KCNT2: variants seen among roughly 807,000 people sequenced by gnomAD.
The protein encoded by KCNT2 is potassium sodium-activated channel subfamily T member 2.
Under a neutral mutation model 153.8 loss-of-function variants are expected in KCNT2, and 67 were observed. That is an observed-to-expected ratio of 0.44 (90% CI 0.36 to 0.53). The LOEUF (loss-of-function observed/expected upper bound fraction) is 0.53. Among genes scored for constraint, KCNT2 ranks in the 20% least tolerant of loss-of-function variants. KCNT2 has a pLI of 0.00. For synonymous variants in KCNT2, 500 were observed against 458.8 expected (o/e 1.09, Z -1.15); for missense variants, 975 against 1,354.8 (o/e 0.72, Z 4.40).
At chr1:196,332,020 A>C (rs1664515811) in intron 17 of KCNT2, among the ~76,000 whole-genome samples, 1 of 152,198 alleles carries the variant, frequency 6.6e-6, no homozygotes, top group Non-Finnish European at 1.5e-5. Flanking sequence ...TTAGGCAATA[A>C]AATAAAATTT....
At position 196,409,925 on chromosome 1, in the gene KCNT2, G is replaced by A. The variant is rs538287401; in HGVS notation, c.1186-11254C>T. Among the ~76,000 whole-genome samples the A allele has an allele frequency of 4.0e-5, 6 of 151,722 alleles. No homozygotes were observed. In the South Asian group the frequency reaches 1.2e-3, roughly 32 times the overall value. ...TTATATATCCACAACCAGTGCACAA[G>A]GTTTTGAATTTCTCCACATCACCAT... On this transcript the variant is annotated intron_variant, in intron 12 of 27. Transcript: ENST00000294725.
chr1:196,604,374 A>G (rs1453140447), intron 1 of KCNT2, among the ~76,000 whole-genome samples: 2 of 152,222 alleles, frequency 1.3e-5, no homozygotes, highest in African/African-American at 4.8e-5. Context: ...GCAAACATTC[A>G]AATATTAGCT....
intron 1 of KCNT2, among the ~76,000 whole-genome samples, chr1:196,602,770 ATTTTTTTTTTTTT>A (rs148932905): frequency 1.2e-5 from 1 of 84,630 alleles, no homozygotes; most frequent in African/African-American, 5.3e-5. Context: ...TTCAAAGTCT[ATTTTTTTTTTTTT>A]TTTTTTTTTT....
At chr1:196,455,330 C>A (rs1277549743) in intron 8 of KCNT2, among the ~76,000 whole-genome samples, 1 of 151,952 alleles carries the variant, frequency 6.6e-6, no homozygotes, top group Non-Finnish European at 1.5e-5. Flanking sequence ...AGCTGCCTAC[C>A]TTTTGTAAAT....
intron 5 of KCNT2, among the ~76,000 whole-genome samples, chr1:196,470,841 A>G (rs1201494436): frequency 1.3e-5 from 2 of 150,064 alleles, no homozygotes; most frequent in Non-Finnish European, 3.0e-5. Flanking sequence ...GAGAATTTTA[A>G]ATTTTTGCAT....
At chr1:196,593,311 T>TATACACACACAC (rs1256165838) in intron 1 of KCNT2, among the ~76,000 whole-genome samples, 153 of 140,208 alleles carry the variant, frequency 1.1e-3, no homozygotes, top group Middle Eastern at 7.2e-3. Context: ...TATATATATA[T>TATACACACACAC]ACACACACAC....
At chr1:196,291,306 AT>A (rs1370583889) in intron 22 of KCNT2, among the ~76,000 whole-genome samples, 2 of 151,358 alleles carry the variant, frequency 1.3e-5, no homozygotes, top group Non-Finnish European at 2.9e-5. Flanking sequence ...TGCATGTATG[AT>A]TTCCTGTCTT....
chr1:196,522,003 T>C (rs1170626908), intron 1 of KCNT2, among the ~76,000 whole-genome samples: 1 of 150,914 alleles, frequency 6.6e-6, no homozygotes, highest in Admixed American at 6.6e-5. Flanking sequence ...CAGGAATTCA[T>C]AAATAGATTC....
intron 16 of KCNT2, among the ~76,000 whole-genome samples, chr1:196,339,705 C>T (rs1395751657): frequency 1.3e-5 from 2 of 152,056 alleles, no homozygotes; most frequent in Admixed American, 6.6e-5. Context: ...AAAAATGACA[C>T]ATTTTCCTTG....
intron 12 of KCNT2, chr1:196,404,253 G>T: frequency 3.8e-6 from 1 of 262,556 alleles, no homozygotes; most frequent in Non-Finnish European, 5.9e-6. Context: ...TTCTGGCTTG[G>T]AGTAAGGGCA....
At chr1:196,491,141 C>T (rs1679826601) in intron 2 of KCNT2, among the ~76,000 whole-genome samples, 1 of 151,988 alleles carries the variant, frequency 6.6e-6, no homozygotes, top group South Asian at 2.1e-4. Context: ...AGTATTCAAA[C>T]AATGCATCCA....
intron 13 of KCNT2, among the ~76,000 whole-genome samples, chr1:196,393,967 T>C (rs933845349): frequency 6.6e-6 from 1 of 151,512 alleles, no homozygotes; most frequent in African/African-American, 2.4e-5. Flanking sequence ...CAGTACCAAT[T>C]GCCACTTCTA....
At chr1:196,298,773 T>A (rs1176726956) in intron 22 of KCNT2, among the ~76,000 whole-genome samples, 1 of 147,400 alleles carries the variant, frequency 6.8e-6, no homozygotes, top group Non-Finnish European at 1.5e-5. Context: ...GAGGTGCCCC[T>A]CCATAAGTCC....
intron 14 of KCNT2, among the ~76,000 whole-genome samples, chr1:196,348,495 G>A (rs946310888): frequency 1.3e-5 from 2 of 152,048 alleles, no homozygotes; most frequent in South Asian, 4.2e-4. Flanking sequence ...AGTATAATCT[G>A]TTATCTACTT....
intron 22 of KCNT2, among the ~76,000 whole-genome samples, chr1:196,291,711 A>T (rs2147919889): frequency 6.6e-6 from 1 of 152,308 alleles, no homozygotes; most frequent in African/African-American, 2.4e-5. Context: ...TGGGCTGCCT[A>T]AATTTATTGA....
chr1:196,518,772 G>T (rs975970964), intron 1 of KCNT2, among the ~76,000 whole-genome samples: 1 of 152,060 alleles, frequency 6.6e-6, no homozygotes, highest in Non-Finnish European at 1.5e-5. Flanking sequence ...GAGCAACCAG[G>T]TTTATAAAGC....
intron 25 of KCNT2, among the ~76,000 whole-genome samples, chr1:196,269,123 AGTG>A (rs1198882816): frequency 6.6e-6 from 1 of 152,222 alleles, no homozygotes; most frequent in Non-Finnish European, 1.5e-5. Context: ...TAATGACAGA[AGTG>A]GTACAAATAA....
At chr1:196,568,364 C>A (rs143914014) in intron 1 of KCNT2, among the ~76,000 whole-genome samples, 17 of 151,988 alleles carry the variant, frequency 1.1e-4, no homozygotes, top group African/African-American at 4.1e-4. Context: ...GAGGCCGAGG[C>A]GGGCGGATCA....
chr1:196,505,240 C>A (rs529729249), intron 1 of KCNT2, among the ~76,000 whole-genome samples: 85 of 152,226 alleles, frequency 5.6e-4, no homozygotes, highest in African/African-American at 2.0e-3. Context: ...AGTCTTTAAT[C>A]CAGCTTGAAT....
Sources: gnomAD v4.1 joint callset for allele counts (sites outside exome capture counted in the v4.1 genomes callset) on GRCh38, gnomAD v4.1.1 for gene constraint, MANE v1.5 for transcripts, NCBI Gene and HGNC (gene_info 2026-07-23, HGNC 2026-07-21) for gene names.